DNAH12: variants seen among roughly 807,000 people sequenced by gnomAD.
DNAH12 encodes dynein axonemal heavy chain 12.
In DNAH12, 285 loss-of-function variants were observed where a neutral mutation model predicts 371.5. The observed-to-expected ratio is 0.77, with a 90% CI of 0.70 to 0.85. The LOEUF (loss-of-function observed/expected upper bound fraction) is 0.85, where lower values mean the gene tolerates loss of function less well. Among genes scored for constraint, DNAH12 ranks in the 40% least tolerant of loss-of-function variants. The pLI is 0.00. For missense variants in DNAH12, 3,611 were observed against 3,689.4 expected, an observed-to-expected ratio of 0.98 and a Z score of 0.55; for synonymous variants, 1,200 against 1,213.0, an observed-to-expected ratio of 0.99 and a Z score of 0.22.
At chr3:57,443,418 A>C (rs2153369585) in intron 29 of DNAH12, among the ~76,000 whole-genome samples, 1 of 152,270 alleles carries the variant, frequency 6.6e-6, no homozygotes, top group South Asian at 2.1e-4. Context: ...CTTGTAATTA[A>C]TTTTAAACTA....
intron 60 of DNAH12, among the ~76,000 whole-genome samples, chr3:57,338,252 T>C (rs2062281154): frequency 6.6e-6 from 1 of 152,208 alleles, no homozygotes; most frequent in Non-Finnish European, 1.5e-5. Context: ...CCTCGAGTGA[T>C]CTGCCCGCCT....
At chr3:57,481,872 A>G (rs2153383474) in intron 13 of DNAH12, among the ~76,000 whole-genome samples, 1 of 152,266 alleles carries the variant, frequency 6.6e-6, no homozygotes, top group African/African-American at 2.4e-5. Flanking sequence ...AGCCATATGT[A>G]GCAAGCTGAA....
chr3:57,403,832 G>C (rs76629279), intron 42 of DNAH12, among the ~76,000 whole-genome samples: 1,759 of 152,208 alleles, frequency 0.012, 34 homozygotes, highest in African/African-American at 0.04. Flanking sequence ...AGATTTCTAT[G>C]TGAGAAAAGA....
In DNAH12 at chr3:57,428,654, G is replaced by T. The variant is rs1559648350; in HGVS notation, c.5232C>A (p.Asn1744Lys). The change falls in exon 34 of 74, where the codon AAC becomes AAA. Residue 1744 changes from asparagine to lysine, a missense_variant. Coordinates refer to ENST00000495027, the MANE Select transcript of DNAH12 (RefSeq NM_001366028.2). Reference protein sequence around the residue: ...LFAWLIPPSLNQRKKKCKELI... With the variant: ...LFAWLIPPSLKQRKKKCKELI... The stretch of plus-strand genomic sequence containing the variant: ...TTACCTTGCATTTTTTCTTACGCTG[G>T]TTTAAAGAGGGTGGTATTAACCAGG... 6.5e-7 allele frequency: 1 copy of T among 1,536,620 alleles called. No homozygotes were observed. The highest frequency in any genetic ancestry group is 8.7e-7 in the Non-Finnish European group (1 of 1,143,340).
At chr3:57,437,721 T>C (rs767462663) in intron 29 of DNAH12, among the ~76,000 whole-genome samples, 5 of 151,988 alleles carry the variant, frequency 3.3e-5, no homozygotes, top group Admixed American at 1.3e-4. Flanking sequence ...CTCCCGAACA[T>C]CCATGCTTTT....
At chr3:57,345,569 T>G (rs1401512566) in intron 60 of DNAH12, among the ~76,000 whole-genome samples, 2 of 152,212 alleles carry the variant, frequency 1.3e-5, no homozygotes, top group African/African-American at 4.8e-5. Context: ...CCTGACATTT[T>G]AAGTGGATAA....
At chr3:57,305,470 T>C (rs1447638379) in intron 69 of DNAH12, among the ~76,000 whole-genome samples, 1 of 152,176 alleles carries the variant, frequency 6.6e-6, no homozygotes, top group Non-Finnish European at 1.5e-5. Flanking sequence ...ATTCCGCGAC[T>C]AGCCCTCCCC....
chr3:57,357,024 T>C, intron 59 of DNAH12, among the ~76,000 whole-genome samples, 152 bp downstream of exon 59: 1 of 152,292 alleles, frequency 6.6e-6, no homozygotes, highest in East Asian at 1.9e-4. Context: ...ATTACAGGTG[T>C]GAGCCACCGC....
chr3:57,318,415 A>T (rs1489408321), intron 65 of DNAH12, among the ~76,000 whole-genome samples: 1 of 152,132 alleles, frequency 6.6e-6, no homozygotes, highest in African/African-American at 2.4e-5. Context: ...TGAAGAGACT[A>T]TACTTCTCCC....
Position 57,428,656 on chromosome 3 carries a change from T to A in DNAH12, c.5230A>T (p.Asn1744Tyr), listed in dbSNP as rs1312837050. The A allele has an allele frequency of 6.5e-7, 1 of 1,538,190 alleles. No homozygotes were observed. The highest frequency in any genetic ancestry group is 8.7e-7 in the Non-Finnish European group (1 of 1,143,798). The part of the protein sequence containing the change: ...LFAWLIPPSL[N>Y]QRKKKCKELI... The stretch of plus-strand genomic sequence containing the variant: ...ACCTTGCATTTTTTCTTACGCTGGT[T>A]TAAAGAGGGTGGTATTAACCAGGCA... Residue 1744 changes from asparagine to tyrosine, a missense_variant, in exon 34 of 74, where the codon AAC becomes TAC. By Grantham distance (143) the Asn-to-Tyr change is moderately radical (BLOSUM62 -2). Transcript: ENST00000495027.
Position 57,385,806 on chromosome 3 carries a change from C to T in DNAH12, c.7603-377G>A, listed in dbSNP as rs914937070. Among the ~76,000 whole-genome samples the T allele has an allele frequency of 5.3e-5, 8 of 152,102 alleles. No homozygotes were observed. In the South Asian group the frequency reaches 1.2e-3, roughly 24 times the overall value. ...GTGAGACAGGAGAATTGCTTGAACCCGGGAGGTGGAGCTGCAGTGAGCCGA... is the reference window on the plus strand; with the variant it reads ...GTGAGACAGGAGAATTGCTTGAACCTGGGAGGTGGAGCTGCAGTGAGCCGA... On this transcript the variant is annotated intron_variant, in intron 47 of 73. Coordinates refer to ENST00000495027, the MANE Select transcript of DNAH12 (RefSeq NM_001366028.2).
At chr3:57,337,130 G>GT (rs1169129048) in intron 60 of DNAH12, among the ~76,000 whole-genome samples, 1 of 152,118 alleles carries the variant, frequency 6.6e-6, no homozygotes, top group Non-Finnish European at 1.5e-5. Context: ...CAGACTTTAA[G>GT]TTAAAAAGTA....
intron 2 of DNAH12, among the ~76,000 whole-genome samples, chr3:57,538,136 G>C (rs2069129883): frequency 6.6e-6 from 1 of 151,868 alleles, no homozygotes; most frequent in South Asian, 2.1e-4. Flanking sequence ...ATAAGGAGAA[G>C]GAAAAAAATG....
At chr3:57,345,587 A>C (rs566498372) in intron 60 of DNAH12, among the ~76,000 whole-genome samples, 2 of 152,296 alleles carry the variant, frequency 1.3e-5, no homozygotes, top group African/African-American at 4.8e-5. Flanking sequence ...TAATTGTAAC[A>C]CTTAAGCTCA....
intron 2 of DNAH12, among the ~76,000 whole-genome samples, chr3:57,528,477 G>A (rs1393933146): frequency 6.6e-6 from 1 of 150,808 alleles, no homozygotes; most frequent in African/African-American, 2.4e-5. Flanking sequence ...TATAATCCCA[G>A]CCCTTTGGGA....
At chr3:57,520,666 C>T (rs897396164) in intron 4 of DNAH12, among the ~76,000 whole-genome samples, 24 of 151,896 alleles carry the variant, frequency 1.6e-4, no homozygotes, top group African/African-American at 5.6e-4. Context: ...TGGTCTCGAT[C>T]TCCTGAGCTC....
chr3:57,419,506 CTTTG>C lies in DNAH12; in HGVS notation c.5571_5574del (p.Asn1857LysfsTer10). 7.0e-7 allele frequency: 1 copy of C among 1,430,442 alleles called. No individual in the cohort carries two copies. Among genetic ancestry groups the C allele is most frequent in the Non-Finnish European group, 9.1e-7 (1 of 1,092,934 alleles). The allele number at this position is 1,430,442 out of a possible 1,614,324, so 88.6% of individuals were successfully genotyped here. ...AATTCATTCCAATGGACCCAGCGAC[CTTTG>C]TTTTTCAACTACAAGAAAATATAAG... On this transcript the variant is annotated frameshift_variant, in exon 37 of 74. Coordinates refer to ENST00000495027, the MANE Select transcript of DNAH12 (RefSeq NM_001366028.2). LOFTEE classifies it high-confidence loss of function.
intron 13 of DNAH12, among the ~76,000 whole-genome samples, chr3:57,473,880 C>T (rs2066442176): frequency 6.6e-6 from 1 of 152,050 alleles, no homozygotes; most frequent in Non-Finnish European, 1.5e-5. Context: ...ATGATCAACA[C>T]AGTAGATGCA....
At chr3:57,501,913 T>TC (rs2067562031) in intron 10 of DNAH12, among the ~76,000 whole-genome samples, 3 of 149,866 alleles carry the variant, frequency 2.0e-5, no homozygotes, top group East Asian at 3.9e-4. Context: ...TTTGATTCTT[T>TC]TTTTTTTTTT....
Sources: gnomAD v4.1 joint callset for allele counts (sites outside exome capture counted in the v4.1 genomes callset) on GRCh38, gnomAD v4.1.1 for gene constraint, MANE v1.5 for transcripts, NCBI Gene and HGNC (gene_info 2026-07-23, HGNC 2026-07-21) for gene names.